The following EPHA6 variants were observed in gnomAD, a reference collection of about 807,000 sequenced individuals.
The protein encoded by EPHA6 is ephrin type-A receptor 6.
Under a neutral mutation model 112.0 loss-of-function variants are expected in EPHA6, and 50 were observed. The ratio of observed to expected loss-of-function variants is 0.45; its 90% CI spans 0.36 to 0.56. The LOEUF (loss-of-function observed/expected upper bound fraction) is 0.56. EPHA6 is among the 20% of genes least tolerant of loss of function. EPHA6 has a pLI of 0.00. For missense variants in EPHA6, 1,280 were observed against 1,417.4 expected, an observed-to-expected ratio of 0.90 and a Z score of 1.56; for synonymous variants, 529 against 490.7, an observed-to-expected ratio of 1.08 and a Z score of -1.03.
In EPHA6 at chr3:97,267,871, C is replaced by T. The variant is rs16838524; in HGVS notation, c.1606+23584C>T. 3.0e-3 allele frequency among the ~76,000 whole-genome samples: 462 copies of T among 152,032 alleles called. 4 individuals carry two copies. In the South Asian group the frequency reaches 0.053, roughly 17 times the overall value. ...CAGAATTATGACTGAAAATGCATGA[C>T]GAGATAAAGATGAGTAACCTTCTAC... On this transcript the variant is annotated intron_variant, in intron 5 of 17. Coordinates refer to ENST00000389672, the MANE Select transcript of EPHA6 (RefSeq NM_001080448.3).
intron 14 of EPHA6, among the ~76,000 whole-genome samples, chr3:97,710,207 T>A (rs2033894523): frequency 6.6e-6 from 1 of 152,212 alleles, no homozygotes; most frequent in African/African-American, 2.4e-5. Flanking sequence ...TTCAGATGAC[T>A]GTGCCCTCTT....
intron 3 of EPHA6, among the ~76,000 whole-genome samples, chr3:97,161,812 A>G (rs1226273695): frequency 6.6e-6 from 1 of 152,214 alleles, no homozygotes; most frequent in Non-Finnish European, 1.5e-5. Flanking sequence ...CACTAGGTCC[A>G]ATCAGCATAG....
At chr3:97,544,776 A>G (rs1021783424) in intron 11 of EPHA6, among the ~76,000 whole-genome samples, 7 of 152,214 alleles carry the variant, frequency 4.6e-5, no homozygotes, top group African/African-American at 1.4e-4. Context: ...AGAGCCTGTT[A>G]TTGGTCTATT....
intron 9 of EPHA6, among the ~76,000 whole-genome samples, chr3:97,480,555 T>C (rs2091503016): frequency 6.6e-6 from 1 of 152,166 alleles, no homozygotes; most frequent in African/African-American, 2.4e-5. Flanking sequence ...GGGGGTAAGG[T>C]TATAGATTAA....
At chr3:97,060,772 T>C (rs572453534) in intron 3 of EPHA6, among the ~76,000 whole-genome samples, 1 of 150,082 alleles carries the variant, frequency 6.7e-6, no homozygotes, top group East Asian at 2.0e-4. Context: ...AAAATAATAA[T>C]AATTAGCCGG....
chr3:97,554,266 G>T (rs540238081), intron 11 of EPHA6, among the ~76,000 whole-genome samples: 1 of 152,084 alleles, frequency 6.6e-6, no homozygotes, highest in South Asian at 2.1e-4. Context: ...TTATCCTTCT[G>T]CCATCCAGTT....
chr3:97,083,445 A>G (rs189321509), intron 3 of EPHA6, among the ~76,000 whole-genome samples: 29 of 152,076 alleles, frequency 1.9e-4, no homozygotes, highest in Admixed American at 6.6e-4. Flanking sequence ...TCTTTTTTAT[A>G]TCACATGCTT....
At position 97,757,366 on chromosome 3, in the gene EPHA6, A is replaced by G. The variant is rs1252569495; in HGVS notation, c.*8665A>G. Among the ~76,000 whole-genome samples, 1 of 151,828 alleles carries G rather than the reference A, an allele frequency of 6.6e-6. No homozygotes were observed. The highest frequency in any genetic ancestry group is 1.5e-5 in the Non-Finnish European group (1 of 67,740). On this transcript the variant is annotated 3_prime_UTR_variant, in exon 18 of 18. Coordinates refer to ENST00000389672, the MANE Select transcript of EPHA6 (RefSeq NM_001080448.3). ...AAAGAAATGTCATCAAAATATCAAAAATAGGAAAAAGTTCATTTTAAAAAT... is the reference window on the plus strand; with the variant it reads ...AAAGAAATGTCATCAAAATATCAAAGATAGGAAAAAGTTCATTTTAAAAAT...
intron 10 of EPHA6, among the ~76,000 whole-genome samples, chr3:97,498,461 G>A (rs1454469254): frequency 6.6e-6 from 1 of 152,080 alleles, no homozygotes; most frequent in Admixed American, 6.6e-5. Flanking sequence ...GAAATAATGG[G>A]CCATTACCTG....
Position 96,931,018 on chromosome 3 carries a change from A to AAAAAAAAAAAG in EPHA6, c.451-56309_451-56308insAAAAAAAGAAA, listed in dbSNP as rs796531853. On this transcript the variant is annotated intron_variant, in intron 2 of 17. Coordinates refer to ENST00000389672, the MANE Select transcript of EPHA6 (RefSeq NM_001080448.3). Reference sequence around the variant, plus strand: ...AAAAAAAAAAAAAAAAAAAAAAAAAAAAAGAAAAGCTTTCTGGCTGCTTTT... The same window carrying AAAAAAAAAAAG: ...AAAAAAAAAAAAAAAAAAAAAAAAAAAAAAAAAAAAGAAAGAAAAGCTTTCTGGCTGCTTTT... Among the ~76,000 whole-genome samples, 179 of 84,576 alleles carry AAAAAAAAAAAG rather than the reference A, an allele frequency of 2.1e-3. 40 individuals carry two copies. The highest frequency in any genetic ancestry group is 6.3e-3 in the African/African-American group (149 of 23,672). The allele number at this position is 84,576 out of a possible 152,430, so 55.5% of individuals were successfully genotyped here. A position where few individuals can be genotyped will look rare whatever the true frequency, so the allele number is the denominator to read the frequency against.
rs562133588 is a variant in EPHA6 at position 96,870,930 on chromosome 3, A to G, written c.450+4041A>G. 6.6e-5 allele frequency among the ~76,000 whole-genome samples: 10 copies of G among 152,146 alleles called. No homozygotes were observed. In the South Asian group the frequency reaches 1.7e-3, roughly 25 times the overall value. ...ATTCATCATAGTAGAAGATTTCAGT[A>G]TTACATTTTGATTCATCCTAAAATT... is the stretch of plus-strand genomic sequence containing the variant. On this transcript the variant is annotated intron_variant, in intron 2 of 17. Transcript: ENST00000389672.
chr3:97,631,400 G>A (rs1227319081), intron 13 of EPHA6, among the ~76,000 whole-genome samples: 1 of 151,904 alleles, frequency 6.6e-6, no homozygotes, highest in East Asian at 1.9e-4. Context: ...CATCTAGTAA[G>A]GTAAATGTCC....
intron 5 of EPHA6, among the ~76,000 whole-genome samples, chr3:97,392,356 T>G (rs1004587319): frequency 4.0e-5 from 6 of 151,724 alleles, no homozygotes; most frequent in African/African-American, 7.2e-5. Flanking sequence ...TGTTTTGCTC[T>G]TCTTACATGT....
chr3:97,085,873 A>C (rs2046876848), intron 3 of EPHA6, among the ~76,000 whole-genome samples: 2 of 149,982 alleles, frequency 1.3e-5, no homozygotes, highest in South Asian at 4.2e-4. Flanking sequence ...CTCTCGTAGA[A>C]ATTGATGAGA....
intron 14 of EPHA6, chr3:97,646,114 T>C: frequency 6.6e-7 from 1 of 1,523,770 alleles, no homozygotes; most frequent in Non-Finnish European, 8.8e-7. Flanking sequence ...ACTTTGCCAA[T>C]TCAGAGACCC....
chr3:97,108,269 A>G (rs2047625010), intron 3 of EPHA6, among the ~76,000 whole-genome samples: 1 of 152,306 alleles, frequency 6.6e-6, no homozygotes, highest in East Asian at 1.9e-4. Context: ...GTTATTATCA[A>G]TAGTTAAAAC....
chr3:96,823,626 T>C (rs1167322129), intron 1 of EPHA6, among the ~76,000 whole-genome samples: 1 of 151,820 alleles, frequency 6.6e-6, no homozygotes, highest in Non-Finnish European at 1.5e-5. Flanking sequence ...GCAGATTCCA[T>C]TGTACAAAGT....
At chr3:96,883,933 A>G (rs1187344054) in intron 2 of EPHA6, among the ~76,000 whole-genome samples, 1 of 152,086 alleles carries the variant, frequency 6.6e-6, no homozygotes, top group African/African-American at 2.4e-5. Context: ...TGTCCTCCCC[A>G]AAGTGCTAGG....
At chr3:96,876,410 T>A (rs1485436233) in intron 2 of EPHA6, among the ~76,000 whole-genome samples, 1 of 151,628 alleles carries the variant, frequency 6.6e-6, no homozygotes, top group Non-Finnish European at 1.5e-5. Flanking sequence ...TCATTTCCTC[T>A]CCAAGTTACC....
Sources: gnomAD v4.1 joint callset for allele counts (sites outside exome capture counted in the v4.1 genomes callset) on GRCh38, gnomAD v4.1.1 for gene constraint, MANE v1.5 for transcripts, NCBI Gene and HGNC (gene_info 2026-07-23, HGNC 2026-07-21) for gene names.